WNT4: variants seen among roughly 807,000 people sequenced by gnomAD.
WNT4 encodes Wnt family member 4, also known as protein Wnt-4.
A neutral mutation model predicts 34.5 loss-of-function variants in WNT4; 16 were observed. The observed-to-expected ratio is 0.46, with a 90% CI of 0.31 to 0.70. The LOEUF is 0.70. WNT4 is among the 30% of genes least tolerant of loss of function. The probability of loss-of-function intolerance (pLI) is 0.04; values close to 1 mark genes in which losing one functional copy is unlikely to be tolerated. For synonymous variants in WNT4, 200 were observed against 211.9 expected (o/e 0.94, Z 0.49); for missense variants, 379 against 495.9 (o/e 0.76, Z 2.24).
chr1:22,121,772 G>C (rs1003209834), intron 2 of WNT4, among the ~76,000 whole-genome samples, 196 bp from the exon 3 acceptor site: 3 of 152,228 alleles, frequency 2.0e-5, no homozygotes, highest in African/African-American at 7.2e-5. Context: ...TCCTTTACCA[G>C]GCGTGGCTTA....
intron 1 of WNT4, among the ~76,000 whole-genome samples, chr1:22,130,388 T>G (rs1209753757): frequency 6.6e-6 from 1 of 152,130 alleles, no homozygotes; most frequent in Non-Finnish European, 1.5e-5. Context: ...CTGCCACCCT[T>G]TGGAGGTGGG....
intron 2 of WNT4, among the ~76,000 whole-genome samples, chr1:22,128,700 C>T (rs1022141173): frequency 6.6e-6 from 1 of 152,034 alleles, no homozygotes; most frequent in Non-Finnish European, 1.5e-5. Context: ...TGAGTCCCGG[C>T]TCTACCACTT....
rs746348673 is a variant in WNT4 at position 22,120,529 on chromosome 1, G to A, written c.589-12C>T. 3 of 1,602,734 alleles carry A rather than the reference G, an allele frequency of 1.9e-6. No individual in the cohort carries two copies. The African/African-American group carries it at 4.0e-5, about 21-fold the overall frequency. ...TGTGTCAGGATGGCCTGTGGGAGAG[G>A]GTGGGGGAGAGGGGCCATCAGGAGA... On this transcript the variant is annotated splice_polypyrimidine_tract_variant and intron_variant, in intron 4 of 4. Coordinates refer to ENST00000290167, the MANE Select transcript of WNT4 (RefSeq NM_030761.5).
At position 22,129,806 on chromosome 1, in the gene WNT4, C is replaced by A. The variant is rs746248932; in HGVS notation, c.123G>T (p.Glu41Asp). 2.5e-6 allele frequency: 4 copies of A among 1,614,096 alleles called. No individual in the cohort carries two copies. The highest frequency in any genetic ancestry group is 3.4e-6 in the Non-Finnish European group (4 of 1,180,046). Residue 41 changes from glutamate to aspartate, a missense_variant, in exon 2 of 5, where the codon GAG becomes GAT. Glu to Asp is a conservative substitution (Grantham distance 45, BLOSUM62 2). Transcript: ENST00000290167. ...LSSVGSISEEETCEKLKGLIQ... is the reference protein window; with the variant it reads ...LSSVGSISEEDTCEKLKGLIQ... ...TCAGGCCCTTGAGTTTCTCGCACGT[C>A]TCCTCCTCTGAGATGCTCCCCACCG... is the stretch of plus-strand genomic sequence containing the variant.
chr1:22,138,295 C>T (rs1482160278), intron 1 of WNT4, among the ~76,000 whole-genome samples: 3 of 152,134 alleles, frequency 2.0e-5, no homozygotes, highest in African/African-American at 7.2e-5. Context: ...ACACTCCTGT[C>T]CTCTGAAAGT....
Position 22,121,126 on chromosome 1 carries a change from C to T in WNT4, c.588+85G>A, listed in dbSNP as rs1645894203. 1.7e-5 allele frequency: 27 copies of T among 1,564,938 alleles called. No homozygotes were observed. In the South Asian group the frequency reaches 2.9e-4, roughly 17 times the overall value. Reference sequence around the variant, plus strand: ...TGGTGAGAGCCTGCACAAATGTTTTCTGAGTGGCCGTGTGGGTGGGAGAGT... The same window carrying T: ...TGGTGAGAGCCTGCACAAATGTTTTTTGAGTGGCCGTGTGGGTGGGAGAGT... On this transcript the variant is annotated intron_variant, in intron 4 of 4. Transcript: ENST00000290167.
At position 22,142,023 on chromosome 1, in the gene WNT4, C is replaced by T. The variant is rs1260726322; in HGVS notation, c.77+823G>A. 1.3e-5 allele frequency among the ~76,000 whole-genome samples: 2 copies of T among 152,170 alleles called. No homozygotes were observed. The highest frequency in any genetic ancestry group is 2.9e-5 in the Non-Finnish European group (2 of 68,028). On this transcript the variant is annotated intron_variant, in intron 1 of 4. Coordinates refer to ENST00000290167, the MANE Select transcript of WNT4 (RefSeq NM_030761.5). This position sits in a 1 kb window ranked among gnomAD's most constrained non-coding sequence, Gnocchi z 6.0. The stretch of plus-strand genomic sequence containing the variant: ...AGCGGGGATGAAAGGAGCGCGGGTC[C>T]GCTTGCTCCCTGTCCACCCACTCAC...
Position 22,129,662 on chromosome 1 carries a change from G to A in WNT4, c.267C>T (p.Cys89=). Residue 89 remains cysteine, a synonymous_variant, in exon 2 of 5, where the codon TGC becomes TGT. Transcript: ENST00000290167. ...QYQFRNRRWN[C]STLDSLPVFG... ...AGACGGGCAAGGAGTCGAGTGTGGAGCAGTTCCAGCGCCGGTTCCGGAACT... is the reference window on the plus strand; with the variant it reads ...AGACGGGCAAGGAGTCGAGTGTGGAACAGTTCCAGCGCCGGTTCCGGAACT... 1 of 1,613,842 alleles carries A rather than the reference G, an allele frequency of 6.2e-7. No individual in the cohort carries two copies. Among genetic ancestry groups the A allele is most frequent in the Non-Finnish European group, 8.5e-7 (1 of 1,180,040 alleles).
chr1:22,143,067 G>A lies in WNT4; in HGVS notation c.-145C>T, dbSNP rs1384993118. The A allele has an allele frequency of 1.5e-5, 3 of 199,978 alleles. No homozygotes were observed. The highest frequency in any genetic ancestry group is 2.6e-5 in the Non-Finnish European group (3 of 116,036). The allele number at this position is 199,978 out of a possible 1,614,324, so 12.4% of individuals were successfully genotyped here. A position where few individuals can be genotyped will look rare whatever the true frequency, so the allele number is the denominator to read the frequency against. ...TGTGCCTGCCGGCAGCCTGCCCGCT[G>A]CTGCGCCCGCTGCCCGGCGCGGACC... On this transcript the variant is annotated 5_prime_UTR_variant, in exon 1 of 5. Transcript: ENST00000290167.
rs1646031754 is a variant in WNT4, at chr1:22,137,459, T to C, written c.77+5387A>G. Among the ~76,000 whole-genome samples, 1 of 152,146 alleles carries C rather than the reference T, an allele frequency of 6.6e-6. No individual in the cohort carries two copies. The highest frequency in any genetic ancestry group is 6.5e-5 in the Admixed American group (1 of 15,280). On this transcript the variant is annotated intron_variant, in intron 1 of 4. Coordinates refer to ENST00000290167, the MANE Select transcript of WNT4 (RefSeq NM_030761.5). This position sits in a 1 kb window ranked among gnomAD's most constrained non-coding sequence, Gnocchi z 5.3. Reference sequence around the variant, plus strand: ...AGGCAGCTGTCACCCCACCCATGGCTCCCTGGCCAATCTGCGCCCCACTGG... The same window carrying C: ...AGGCAGCTGTCACCCCACCCATGGCCCCCTGGCCAATCTGCGCCCCACTGG...
chr1:22,121,438 C>T lies in WNT4; in HGVS notation c.445+7G>A, dbSNP rs973330800. The T allele has an allele frequency of 5.6e-6, 9 of 1,613,852 alleles. No homozygotes were observed. The African/African-American group carries it at 9.3e-5, about 17-fold the overall frequency. On this transcript the variant is annotated splice_region_variant and intron_variant, in intron 3 of 4. Coordinates refer to ENST00000290167, the MANE Select transcript of WNT4 (RefSeq NM_030761.5). ...GCCCTCCCACTCTGACCACCTCCTG[C>T]ACCTACCCTGTGGGCTGACCCCATG...
chr1:22,121,635 T>G lies in WNT4; in HGVS notation c.314-59A>C, dbSNP rs186843609. On this transcript the variant is annotated intron_variant, in intron 2 of 4. Coordinates refer to ENST00000290167, the MANE Select transcript of WNT4 (RefSeq NM_030761.5). ...CCAGGGCTCCTCCCTGCACCCTCCTTTGTAGAGGGGGAGGGGCATATGGAG... is the reference window on the plus strand; with the variant it reads ...CCAGGGCTCCTCCCTGCACCCTCCTGTGTAGAGGGGGAGGGGCATATGGAG... 9,123 of 1,591,134 alleles carry G rather than the reference T, an allele frequency of 5.7e-3. 33 individuals are homozygous for G. The highest frequency in any genetic ancestry group is 7.1e-3 in the Non-Finnish European group (8,281 of 1,173,576).
At chr1:22,126,505 G>C (rs1645941423) in intron 2 of WNT4, among the ~76,000 whole-genome samples, 1 of 152,218 alleles carries the variant, frequency 6.6e-6, no homozygotes, top group South Asian at 2.1e-4. Flanking sequence ...CAGCTGTGAT[G>C]TGGGAGAACA....
intron 2 of WNT4, among the ~76,000 whole-genome samples, chr1:22,128,963 G>A (rs1645961283): frequency 6.6e-6 from 1 of 151,858 alleles, no homozygotes; most frequent in Non-Finnish European, 1.5e-5. Context: ...CTCATGATCC[G>A]CCCGCCTGGG....
intron 1 of WNT4, among the ~76,000 whole-genome samples, chr1:22,132,319 G>C (rs995664174): frequency 1.3e-5 from 2 of 152,236 alleles, no homozygotes; most frequent in African/African-American, 4.8e-5. Flanking sequence ...GCATCTGGCT[G>C]TGCTGGGCCC....
intron 2 of WNT4, among the ~76,000 whole-genome samples, chr1:22,128,119 G>GCAGCGATGTT (rs1645954187): frequency 6.6e-6 from 1 of 152,236 alleles, no homozygotes; most frequent in African/African-American, 2.4e-5. Flanking sequence ...CTTTTCCAGA[G>GCAGCGATGTT]CAGCGATGTT....
rs1171312448 is a variant in WNT4, at chr1:22,139,919, A to T, written c.77+2927T>A. Among the ~76,000 whole-genome samples, 1 of 152,150 alleles carries T rather than the reference A, an allele frequency of 6.6e-6. No individual in the cohort carries two copies. The highest frequency in any genetic ancestry group is 1.5e-5 in the Non-Finnish European group (1 of 68,008). ...CGGGCTCCTCCGGGTGCCAGACGAG[A>T]GTCTAATCAACAGCTCCCAGCTTCT... On this transcript the variant is annotated intron_variant, in intron 1 of 4. Coordinates refer to ENST00000290167, the MANE Select transcript of WNT4 (RefSeq NM_030761.5). This position sits in a 1 kb window ranked among gnomAD's most constrained non-coding sequence, Gnocchi z 4.6.
rs1306599256 is a variant in WNT4, at chr1:22,137,747, T to A, written c.77+5099A>T. On this transcript the variant is annotated intron_variant, in intron 1 of 4. Coordinates refer to ENST00000290167, the MANE Select transcript of WNT4 (RefSeq NM_030761.5). The surrounding 1 kb of genome is among the most constrained non-coding windows in gnomAD (Gnocchi z 5.3). The stretch of plus-strand genomic sequence containing the variant: ...AGAGCCTGGTCCTGGGGTGCTGCAG[T>A]GCTGGGGGAGAAACACTCAGCCTGG... Among the ~76,000 whole-genome samples, 1 of 152,184 alleles carries A rather than the reference T, an allele frequency of 6.6e-6. No individual in the cohort carries two copies. Among genetic ancestry groups the A allele is most frequent in the Non-Finnish European group, 1.5e-5 (1 of 68,020 alleles).
intron 1 of WNT4, among the ~76,000 whole-genome samples, chr1:22,135,929 C>A (rs920432190): frequency 6.6e-6 from 1 of 152,172 alleles, no homozygotes; most frequent in South Asian, 2.1e-4. Context: ...TGGGACCCCT[C>A]GCTCCCATCT....
Sources: allele counts gnomAD v4.1 joint callset (sites outside exome capture counted in the v4.1 genomes callset), GRCh38; gene constraint gnomAD v4.1.1; non-coding constraint Gnocchi (gnomAD v3.1); transcripts MANE v1.5; gene names NCBI Gene and HGNC (gene_info 2026-07-23, HGNC 2026-07-21).